The following LMCD1 variants were observed in gnomAD, a reference collection of about 807,000 sequenced individuals.
LMCD1 encodes LIM and cysteine rich domains 1, also known as LIM and cysteine-rich domains protein 1.
A neutral mutation model predicts 42.7 loss-of-function variants in LMCD1; 32 were observed. The ratio of observed to expected loss-of-function variants is 0.75; its 90% confidence interval spans 0.57 to 1.01. The LOEUF (loss-of-function observed/expected upper bound fraction) is 1.01. Ranked by LOEUF, LMCD1 falls within the 50% of genes least tolerant of loss-of-function variation. The pLI, the probability that LMCD1 is intolerant of heterozygous loss-of-function variation, is 0.00. For synonymous variants in LMCD1, 178 were observed against 184.9 expected (o/e 0.96, Z 0.30); for missense variants, 458 against 483.1 (o/e 0.95, Z 0.49).
chr3:8,556,908 A>C (rs902092899), intron 4 of LMCD1, among the ~76,000 whole-genome samples: 6 of 152,184 alleles, frequency 3.9e-5, no homozygotes, highest in Non-Finnish European at 7.3e-5. Context: ...ATAATGGATA[A>C]TCTGCCCCAA....
Position 8,501,943 on chromosome 3 carries a change from C to T in LMCD1, c.5C>T (p.Ala2Val). 1 of 1,594,168 alleles carries T rather than the reference C, an allele frequency of 6.3e-7. No individual in the cohort carries two copies. The highest frequency in any genetic ancestry group is 8.5e-7 in the Non-Finnish European group (1 of 1,171,544). The change falls in exon 1 of 6, where the codon GCA becomes GTA. Residue 2 changes from alanine to valine, a missense_variant. Coordinates refer to ENST00000157600, the MANE Select transcript of LMCD1 (RefSeq NM_014583.4). ...GTTCCCCCACCCCAGAAGAGGATGGCAAAGGTGGCTAAGGACCTCAACCCA... is the reference window on the plus strand; with the variant it reads ...GTTCCCCCACCCCAGAAGAGGATGGTAAAGGTGGCTAAGGACCTCAACCCA... M[A>V]KVAKDLNPGV...
In LMCD1 at chr3:8,572,386, C is replaced by G. The variant is rs1320227445; in HGVS notation, c.*4788C>G. 3 of 152,170 alleles carry G rather than the reference C, an allele frequency of 2.0e-5. No homozygotes were observed. The highest frequency in any genetic ancestry group is 4.8e-5 in the African/African-American group (2 of 41,452). 9.4% of individuals were successfully genotyped at this position (152,170 alleles called of 1,614,324 possible). Reference sequence around the variant, plus strand: ...CAGCCAGATTTTTCCATTGTAAAGTCATTCCTTTGTCCTTTGTATTTAATA... The same window carrying G: ...CAGCCAGATTTTTCCATTGTAAAGTGATTCCTTTGTCCTTTGTATTTAATA... On this transcript the variant is annotated 3_prime_UTR_variant, in exon 6 of 6. Coordinates refer to ENST00000157600, the MANE Select transcript of LMCD1 (RefSeq NM_014583.4).
At chr3:8,509,907 G>A (rs1693961408) in intron 1 of LMCD1, among the ~76,000 whole-genome samples, 2 of 152,214 alleles carry the variant, frequency 1.3e-5, no homozygotes, top group African/African-American at 4.8e-5. Context: ...CAGCTCTTAG[G>A]TCCCACCAGC....
chr3:8,502,952 C>G (rs1184333071), intron 1 of LMCD1, among the ~76,000 whole-genome samples: 1 of 152,136 alleles, frequency 6.6e-6, no homozygotes, highest in Non-Finnish European at 1.5e-5. Flanking sequence ...AAGGCAAGCC[C>G]TAGGCATCCA....
chr3:8,506,193 G>C (rs1477913535), intron 1 of LMCD1, among the ~76,000 whole-genome samples: 1 of 152,290 alleles, frequency 6.6e-6, no homozygotes, highest in East Asian at 1.9e-4. Context: ...TGTGGTAGTG[G>C]GAGGCAGGAA....
chr3:8,551,708 C>G (rs1201815556), intron 4 of LMCD1, among the ~76,000 whole-genome samples: 1 of 152,152 alleles, frequency 6.6e-6, no homozygotes, highest in Non-Finnish European at 1.5e-5. Context: ...AGTGTGTTCC[C>G]AGCAACCCCG....
chr3:8,545,391 G>C (rs1370331885), intron 3 of LMCD1, among the ~76,000 whole-genome samples: 5 of 152,166 alleles, frequency 3.3e-5, no homozygotes, highest in Non-Finnish European at 7.4e-5. Context: ...TTGGAGCAGA[G>C]TAAGAGCTCA....
At position 8,570,274 on chromosome 3, in the gene LMCD1, C is replaced by G. The variant is rs1440286134; in HGVS notation, c.*2676C>G. The G allele has an allele frequency of 1.3e-5, 2 of 152,272 alleles. No individual in the cohort carries two copies. Among genetic ancestry groups the G allele is most frequent in the African/African-American group, 2.4e-5 (1 of 41,444 alleles). 9.4% of individuals were successfully genotyped at this position (152,272 alleles called of 1,614,324 possible). A position where few individuals can be genotyped will look rare whatever the true frequency, so the allele number is the denominator to read the frequency against. ...CTGGGGCAATTCAAAAGACTGGTCT[C>G]TGTTCTAGGAGCAAGGGGGAGCCTT... On this transcript the variant is annotated 3_prime_UTR_variant, in exon 6 of 6. Coordinates refer to ENST00000157600, the MANE Select transcript of LMCD1 (RefSeq NM_014583.4).
chr3:8,546,776 A>G (rs1694743929), intron 3 of LMCD1, among the ~76,000 whole-genome samples: 2 of 152,238 alleles, frequency 1.3e-5, no homozygotes, highest in South Asian at 4.1e-4. Flanking sequence ...GAGTGAAGGT[A>G]GAAATCAAGC....
At chr3:8,548,972 A>G (rs2125032321) in intron 4 of LMCD1, 69 bp downstream of exon 4, 1 of 1,170,292 alleles carries the variant, frequency 8.5e-7, no homozygotes, top group Admixed American at 3.1e-5. Flanking sequence ...TCAGGGCCCC[A>G]TCACGGGGCT....
At chr3:8,502,633 G>A (rs1490614319) in intron 1 of LMCD1, among the ~76,000 whole-genome samples, 2 of 149,388 alleles carry the variant, frequency 1.3e-5, no homozygotes, top group Non-Finnish European at 1.5e-5. Flanking sequence ...AGTTGGTGAT[G>A]TTGGCAGTGG....
At chr3:8,552,839 T>C (rs1195586932) in intron 4 of LMCD1, among the ~76,000 whole-genome samples, 1 of 152,172 alleles carries the variant, frequency 6.6e-6, no homozygotes, top group Non-Finnish European at 1.5e-5. Context: ...TTCTCCTGCC[T>C]CAGCCTTCCG....
At position 8,572,898 on chromosome 3, in the gene LMCD1, T is replaced by C. The variant is rs2125044046; in HGVS notation, c.*5300T>C. 1 of 152,310 alleles carries C rather than the reference T, an allele frequency of 6.6e-6. No homozygotes were observed. The highest frequency in any genetic ancestry group is 2.1e-4 in the South Asian group (1 of 4,824). 9.4% of individuals were successfully genotyped at this position (152,310 alleles called of 1,614,324 possible). A position where few individuals can be genotyped will look rare whatever the true frequency, so the allele number is the denominator to read the frequency against. ...AGGGGTTCCTTCTTAATCTGGCTGT[T>C]GTTGTGTTGGAACTCCTGGTACCAT... On this transcript the variant is annotated 3_prime_UTR_variant, in exon 6 of 6. Coordinates refer to ENST00000157600, the MANE Select transcript of LMCD1 (RefSeq NM_014583.4).
chr3:8,537,149 G>A (rs945887788), intron 2 of LMCD1, 36 bp from the exon 3 acceptor site: 2 of 1,600,490 alleles, frequency 1.2e-6, no homozygotes, highest in Non-Finnish European at 1.7e-6. Flanking sequence ...TTTTCCTGGA[G>A]GTTAATCTCA....
At chr3:8,532,651 C>G in intron 1 of LMCD1, 86 bp from the exon 2 acceptor site, 1 of 1,138,508 alleles carries the variant, frequency 8.8e-7, no homozygotes, top group Non-Finnish European at 1.3e-6. Flanking sequence ...AGTCCCTTTG[C>G]CAGCACGCCA....
At chr3:8,534,139 A>G (rs1315072757) in intron 2 of LMCD1, among the ~76,000 whole-genome samples, 1 of 151,692 alleles carries the variant, frequency 6.6e-6, no homozygotes, top group Non-Finnish European at 1.5e-5. Flanking sequence ...CCTCCTCAGC[A>G]ATTTGAAGAC....
At chr3:8,510,549 T>A (rs1693975849) in intron 1 of LMCD1, among the ~76,000 whole-genome samples, 1 of 152,228 alleles carries the variant, frequency 6.6e-6, no homozygotes, top group Non-Finnish European at 1.5e-5. Flanking sequence ...TAGCATTTCT[T>A]TCTACTGTGA....
chr3:8,553,988 G>A (rs1694885635), intron 4 of LMCD1, among the ~76,000 whole-genome samples: 1 of 152,190 alleles, frequency 6.6e-6, no homozygotes, highest in South Asian at 2.1e-4. Flanking sequence ...TGAGAATCAA[G>A]GGAAGAAAGG....
chr3:8,555,260 T>C (rs769944973), intron 4 of LMCD1, among the ~76,000 whole-genome samples: 1 of 144,360 alleles, frequency 6.9e-6, no homozygotes, highest in Admixed American at 6.9e-5. Flanking sequence ...CCAGCCCCAA[T>C]AGAAGGACAT....
Sources: gnomAD v4.1 joint callset for allele counts (sites outside exome capture counted in the v4.1 genomes callset) on GRCh38, gnomAD v4.1.1 for gene constraint, MANE v1.5 for transcripts, NCBI Gene and HGNC (gene_info 2026-07-23, HGNC 2026-07-21) for gene names.